The following MPPED2 variants were observed in gnomAD, a reference collection of about 807,000 sequenced individuals.
The protein encoded by MPPED2 is metallophosphoesterase MPPED2.
Under a neutral mutation model 33.0 loss-of-function variants are expected in MPPED2, and 5 were observed. That is an observed-to-expected ratio of 0.15 (90% CI 0.08 to 0.32). The LOEUF is 0.32. Among genes scored for constraint, MPPED2 ranks in the 10% least tolerant of loss-of-function variants. The pLI, the probability that MPPED2 is intolerant of heterozygous loss-of-function variation, is 1.00. For missense variants in MPPED2, 275 were observed against 372.1 expected (o/e 0.74, Z 2.15); for synonymous variants, 136 against 141.9 (o/e 0.96, Z 0.29).
chr11:30,581,184 G>T (rs531282888), intron 1 of MPPED2, among the ~76,000 whole-genome samples: 10 of 152,050 alleles, frequency 6.6e-5, no homozygotes, highest in African/African-American at 2.2e-4. Context: ...ACACCTCCAG[G>T]TCTGGACCAC....
chr11:30,424,002 CT>C (rs1453613957), intron 4 of MPPED2, among the ~76,000 whole-genome samples: 1 of 152,160 alleles, frequency 6.6e-6, no homozygotes, highest in Non-Finnish European at 1.5e-5. Flanking sequence ...CCTCAGTTCA[CT>C]TTTGAGTGGA....
intron 3 of MPPED2, among the ~76,000 whole-genome samples, chr11:30,510,125 C>G (rs927696414): frequency 5.3e-5 from 8 of 152,150 alleles, no homozygotes; most frequent in African/African-American, 1.4e-4. Flanking sequence ...TTCATAGACA[C>G]AGAGGACTAA....
At chr11:30,409,265 C>A (rs1054099083), downstream of MPPED2, among the ~76,000 whole-genome samples, 4 of 152,058 alleles carry the variant, frequency 2.6e-5, no homozygotes, top group African/African-American at 4.8e-5. Flanking sequence ...TCACTCCAAC[C>A]CCCTAGGATG....
intron 3 of MPPED2, among the ~76,000 whole-genome samples, chr11:30,503,691 A>G (rs1565132706): frequency 6.6e-6 from 1 of 152,210 alleles, no homozygotes; most frequent in Non-Finnish European, 1.5e-5. Flanking sequence ...CATAAAGCTG[A>G]CATATTTTAA....
intron 3 of MPPED2, 61 bp from the exon 4 acceptor site, chr11:30,495,582 C>A: frequency 7.9e-7 from 1 of 1,267,816 alleles, no homozygotes; most frequent in East Asian, 2.3e-5. Context: ...AGTACAACAG[C>A]CGAGACTGTG....
intron 3 of MPPED2, among the ~76,000 whole-genome samples, chr11:30,509,191 C>T (rs547908250): frequency 1.7e-3 from 254 of 152,062 alleles, no homozygotes; most frequent in Non-Finnish European, 3.3e-3. Flanking sequence ...GCTTTTTTTA[C>T]TGGGAAAGGC....
At chr11:30,532,115 A>G (rs2134453648) in intron 3 of MPPED2, among the ~76,000 whole-genome samples, 1 of 152,354 alleles carries the variant, frequency 6.6e-6, no homozygotes, top group South Asian at 2.1e-4. Flanking sequence ...ATGAAATGAC[A>G]CATGTAATGC....
At chr11:30,449,352 G>A (rs183522839) in intron 4 of MPPED2, among the ~76,000 whole-genome samples, 1 of 152,156 alleles carries the variant, frequency 6.6e-6, no homozygotes, top group Non-Finnish European at 1.5e-5. Flanking sequence ...AAGCAACGGA[G>A]AATCAACAGA....
intron 4 of MPPED2, among the ~76,000 whole-genome samples, chr11:30,429,897 CT>C: frequency 6.6e-6 from 1 of 152,200 alleles, no homozygotes; most frequent in Non-Finnish European, 1.5e-5. Flanking sequence ...TTGTGTGTGT[CT>C]TTTTTTCTCA....
intron 2 of MPPED2, among the ~76,000 whole-genome samples, chr11:30,548,347 G>A (rs1273027702): frequency 2.6e-5 from 4 of 152,064 alleles, no homozygotes; most frequent in Admixed American, 1.3e-4. Flanking sequence ...CCAAGTAGCT[G>A]GGACTACAGG....
chr11:30,431,866 T>A (rs489883), intron 4 of MPPED2, among the ~76,000 whole-genome samples: 2 of 152,072 alleles, frequency 1.3e-5, no homozygotes, highest in African/African-American at 4.8e-5. Context: ...ACAGACTGCA[T>A]TTTCATTTCA....
intron 4 of MPPED2, among the ~76,000 whole-genome samples, chr11:30,463,414 G>A (rs1340602592): frequency 6.6e-6 from 1 of 152,082 alleles, no homozygotes; most frequent in Non-Finnish European, 1.5e-5. Flanking sequence ...TGCACTTCAG[G>A]CCCAGCAAGA....
intron 3 of MPPED2, among the ~76,000 whole-genome samples, chr11:30,521,868 T>C (rs1004313603): frequency 4.6e-5 from 7 of 152,294 alleles, no homozygotes; most frequent in Admixed American, 3.3e-4. Context: ...CATGGTGACC[T>C]CTCTGAGTTG....
chr11:30,420,608 C>T, intron 4 of MPPED2, among the ~76,000 whole-genome samples: 1 of 152,130 alleles, frequency 6.6e-6, no homozygotes. Flanking sequence ...CATGGTCAGT[C>T]AACACAGCCA....
At chr11:30,388,109 C>A (rs190533495) in exon 7 of MPPED2, 1 of 152,444 alleles carries the variant, frequency 6.6e-6, no homozygotes. Flanking sequence ...GGGCCTGGTG[C>A]GGGTGGGGGC....
At chr11:30,482,239 T>C (rs1030134574) in intron 4 of MPPED2, among the ~76,000 whole-genome samples, 1 of 151,764 alleles carries the variant, frequency 6.6e-6, no homozygotes, top group Non-Finnish European at 1.5e-5. Flanking sequence ...TTTTGTTTTC[T>C]GACTATATTA....
chr11:30,447,042 T>A (rs959506271), intron 4 of MPPED2, among the ~76,000 whole-genome samples: 1 of 152,174 alleles, frequency 6.6e-6, no homozygotes, highest in South Asian at 2.1e-4. Context: ...GTGATTTTAT[T>A]TGATAACATT....
At chr11:30,470,025 G>A (rs1663271336) in intron 4 of MPPED2, among the ~76,000 whole-genome samples, 1 of 152,206 alleles carries the variant, frequency 6.6e-6, no homozygotes, top group Non-Finnish European at 1.5e-5. Flanking sequence ...CAACTTGTGA[G>A]TGGTTGTACA....
intron 4 of MPPED2, chr11:30,495,064 A>T (rs1045031721): frequency 3.7e-5 from 19 of 518,690 alleles, no homozygotes; most frequent in Non-Finnish European, 3.8e-5. Flanking sequence ...GCATGACTGT[A>T]TATATCTAGG....
Sources: gnomAD v4.1 joint callset for allele counts (sites outside exome capture counted in the v4.1 genomes callset) on GRCh38, gnomAD v4.1.1 for gene constraint, MANE v1.5 for transcripts, NCBI Gene and HGNC (gene_info 2026-07-23, HGNC 2026-07-21) for gene names.